The following ROBO2 variants were observed in gnomAD, a reference collection of about 807,000 sequenced individuals.
ROBO2 encodes roundabout guidance receptor 2.
A neutral mutation model predicts 160.8 loss-of-function variants in ROBO2; 53 were observed. That is an observed-to-expected ratio of 0.33 (90% CI 0.26 to 0.41). ROBO2 has a LOEUF of 0.41. Ranked by LOEUF, ROBO2 falls within the 10% of genes least tolerant of loss-of-function variation. The pLI is 1.00. For missense variants in ROBO2, 1,577 were observed against 1,722.4 expected (o/e 0.92, Z 1.49); for synonymous variants, 664 against 611.7 (o/e 1.09, Z -1.26).
chr3:76,631,846 A>T (rs982063798), intron 2 of ROBO2, among the ~76,000 whole-genome samples: 7 of 152,190 alleles, frequency 4.6e-5, no homozygotes, highest in African/African-American at 1.7e-4. Context: ...ATGTGTACAG[A>T]TGATGAGAAA....
chr3:77,375,536 G>T (rs1174342322), intron 2 of ROBO2, among the ~76,000 whole-genome samples: 1 of 151,948 alleles, frequency 6.6e-6, no homozygotes, highest in Non-Finnish European at 1.5e-5. Flanking sequence ...GTAATCTTTG[G>T]TTTAACCCTT....
intron 2 of ROBO2, among the ~76,000 whole-genome samples, chr3:76,756,981 C>A (rs2061011391): frequency 6.6e-6 from 1 of 151,830 alleles, no homozygotes; most frequent in Non-Finnish European, 1.5e-5. Flanking sequence ...AACTGTTTTG[C>A]CTGATCACAT....
intron 2 of ROBO2, among the ~76,000 whole-genome samples, chr3:76,159,499 A>G (rs1035020450): frequency 1.3e-5 from 2 of 152,312 alleles, no homozygotes; most frequent in African/African-American, 4.8e-5. Context: ...AGTATCCTTC[A>G]GTTTAGACAG....
At chr3:77,070,736 A>G (rs1348695326) in intron 1 of ROBO2, among the ~76,000 whole-genome samples, 1 of 152,150 alleles carries the variant, frequency 6.6e-6, no homozygotes, top group Non-Finnish European at 1.5e-5. Context: ...TTCTAAATAT[A>G]AAGAAAATTT....
intron 2 of ROBO2, among the ~76,000 whole-genome samples, chr3:76,688,780 A>T (rs1360281970): frequency 6.6e-6 from 1 of 152,056 alleles, no homozygotes; most frequent in African/African-American, 2.4e-5. Flanking sequence ...CCGCAGCTTT[A>T]TACCCAATTT....
At chr3:76,250,153 A>G (rs1405664235) in intron 2 of ROBO2, among the ~76,000 whole-genome samples, 1 of 152,080 alleles carries the variant, frequency 6.6e-6, no homozygotes, top group Non-Finnish European at 1.5e-5. Flanking sequence ...GTGGTGCAGA[A>G]AAATATACAA....
intron 2 of ROBO2, among the ~76,000 whole-genome samples, chr3:77,016,331 G>A (rs2062250727): frequency 6.6e-6 from 1 of 152,006 alleles, no homozygotes; most frequent in Admixed American, 6.6e-5. Context: ...ATTAGTTTTG[G>A]CAGGTCATGG....
intron 2 of ROBO2, among the ~76,000 whole-genome samples, chr3:77,268,723 T>G (rs2059294015): frequency 6.6e-6 from 1 of 152,188 alleles, no homozygotes; most frequent in Non-Finnish European, 1.5e-5. Context: ...ACAACATCAC[T>G]GCAAGCAAGA....
intron 2 of ROBO2, among the ~76,000 whole-genome samples, chr3:76,919,183 A>G (rs2076514575): frequency 6.6e-6 from 1 of 152,122 alleles, no homozygotes; most frequent in Admixed American, 6.6e-5. Context: ...TGTACCCCGG[A>G]ACTTAAAAAA....
intron 2 of ROBO2, among the ~76,000 whole-genome samples, chr3:76,394,256 G>A (rs891041612): frequency 1.3e-5 from 2 of 152,074 alleles, no homozygotes; most frequent in African/African-American, 4.8e-5. Context: ...ATTTTGCAGT[G>A]GCTGGTACCA....
chr3:76,494,259 C>T (rs1409254031), intron 2 of ROBO2, among the ~76,000 whole-genome samples: 2 of 152,168 alleles, frequency 1.3e-5, no homozygotes, highest in Non-Finnish European at 2.9e-5. Flanking sequence ...TTTACCTCTA[C>T]CCTCTTAGGG....
At chr3:77,160,306 G>A (rs1359727925) in intron 2 of ROBO2, among the ~76,000 whole-genome samples, 1 of 151,958 alleles carries the variant, frequency 6.6e-6, no homozygotes, top group Non-Finnish European at 1.5e-5. Flanking sequence ...AGAATTCAGA[G>A]TTTTAAACAT....
At chr3:77,417,258 T>C (rs2077327696) in intron 2 of ROBO2, among the ~76,000 whole-genome samples, 1 of 149,128 alleles carries the variant, frequency 6.7e-6, no homozygotes, top group Admixed American at 6.7e-5. Context: ...TGGCTTAAAA[T>C]AATTTTTGTA....
chr3:77,399,719 G>A (rs1399429820), intron 2 of ROBO2, among the ~76,000 whole-genome samples: 4 of 152,108 alleles, frequency 2.6e-5, no homozygotes, highest in Admixed American at 6.6e-5. Context: ...GAATTCACAT[G>A]GTGCCTGTGT....
At chr3:77,534,316 T>G (rs2091950716) in intron 6 of ROBO2, among the ~76,000 whole-genome samples, 1 of 151,984 alleles carries the variant, frequency 6.6e-6, no homozygotes, top group Admixed American at 6.6e-5. Context: ...ATAAAATAAA[T>G]ATTAAGTATT....
chr3:76,932,256 A>C (rs1293652607), intron 2 of ROBO2, among the ~76,000 whole-genome samples: 1 of 152,188 alleles, frequency 6.6e-6, no homozygotes, highest in Non-Finnish European at 1.5e-5. Context: ...AAAATATTTT[A>C]TTCATTTATT....
intron 2 of ROBO2, among the ~76,000 whole-genome samples, chr3:76,686,042 T>G (rs1375898070): frequency 6.7e-6 from 1 of 150,066 alleles, no homozygotes; most frequent in Non-Finnish European, 1.5e-5. Context: ...CTGAAGTCTG[T>G]GTTTTCCTTT....
At chr3:76,902,400 ACTT>A (rs1192382577) in intron 2 of ROBO2, among the ~76,000 whole-genome samples, 1 of 151,950 alleles carries the variant, frequency 6.6e-6, no homozygotes, top group Non-Finnish European at 1.5e-5. Flanking sequence ...TTACTTTTCT[ACTT>A]CTTATTAACT....
At chr3:76,834,806 T>C (rs923430993) in intron 2 of ROBO2, among the ~76,000 whole-genome samples, 1 of 152,186 alleles carries the variant, frequency 6.6e-6, no homozygotes, top group East Asian at 1.9e-4. Flanking sequence ...TATATAGATA[T>C]AGACATGCAA....
Sources: gnomAD v4.1 joint callset for allele counts (sites outside exome capture counted in the v4.1 genomes callset) on GRCh38, gnomAD v4.1.1 for gene constraint, MANE v1.5 for transcripts, NCBI Gene and HGNC (gene_info 2026-07-23, HGNC 2026-07-21) for gene names.